IGFBP7: variants seen among roughly 807,000 people sequenced by gnomAD.
IGFBP7 encodes insulin-like growth factor-binding protein 7.
IGFBP7 carries 31 observed loss-of-function variants against 29.4 expected under a neutral mutation model. That is an observed-to-expected ratio of 1.05 (90% confidence interval 0.79 to 1.42). The LOEUF is 1.42. IGFBP7 is among the 40% of genes most tolerant of loss of function. The pLI is 0.00. For synonymous variants in IGFBP7, 172 were observed against 174.9 expected (o/e 0.98, Z 0.13); for missense variants, 393 against 395.5 (o/e 0.99, Z 0.05).
At chr4:57,036,537 A>T (rs1040729808) in intron 2 of IGFBP7, among the ~76,000 whole-genome samples, 3 of 152,232 alleles carry the variant, frequency 2.0e-5, no homozygotes, top group African/African-American at 7.2e-5. Flanking sequence ...TCTTTGATTT[A>T]AAAGGGTTAA....
chr4:57,036,311 G>T (rs1365432889), intron 2 of IGFBP7, among the ~76,000 whole-genome samples: 1 of 152,118 alleles, frequency 6.6e-6, no homozygotes, highest in Non-Finnish European at 1.5e-5. Context: ...AGGAGGAGGT[G>T]GGGGGAGATT....
chr4:57,033,444 T>A lies in IGFBP7; in HGVS notation c.586-133A>T, dbSNP rs1723998551. On this transcript the variant is annotated intron_variant, in intron 2 of 4. Transcript: ENST00000295666. ...GAGTAAACCCAGCATTTCACTGAAC[T>A]ATTTCCCTTTCCTAAATACTTTTAA... 5 of 730,592 alleles carry A rather than the reference T, an allele frequency of 6.8e-6. No individual in the cohort carries two copies. In the East Asian group the frequency reaches 1.2e-4, roughly 18 times the overall value. 45.3% of individuals were successfully genotyped at this position (730,592 alleles called of 1,614,324 possible).
chr4:57,070,035 C>T (rs1046594257), intron 1 of IGFBP7, among the ~76,000 whole-genome samples: 1 of 151,522 alleles, frequency 6.6e-6, no homozygotes, highest in Non-Finnish European at 1.5e-5. Flanking sequence ...GAGCCGGAAT[C>T]GTGCCATTGC....
intron 1 of IGFBP7, among the ~76,000 whole-genome samples, chr4:57,067,950 T>G (rs1297318850): frequency 6.6e-6 from 1 of 152,202 alleles, no homozygotes; most frequent in Admixed American, 6.5e-5. Context: ...TCATAAAATA[T>G]CTAAACCAAA....
At chr4:57,043,675 T>G (rs1662192327) in intron 1 of IGFBP7, among the ~76,000 whole-genome samples, 1 of 152,214 alleles carries the variant, frequency 6.6e-6, no homozygotes, top group Non-Finnish European at 1.5e-5. Context: ...TCATGCTTCC[T>G]TCCCTCCAAA....
chr4:57,073,693 G>C (rs922502256), intron 1 of IGFBP7, among the ~76,000 whole-genome samples: 1 of 152,066 alleles, frequency 6.6e-6, no homozygotes, highest in Non-Finnish European at 1.5e-5. Context: ...GACTAGGAGG[G>C]GCCTCTTCAA....
At chr4:57,033,534 G>C (rs780688381) in intron 2 of IGFBP7, among the ~76,000 whole-genome samples, 23 of 152,044 alleles carry the variant, frequency 1.5e-4, no homozygotes, top group Non-Finnish European at 5.9e-5. Flanking sequence ...TTAAACTAAT[G>C]TATTTTTCTG....
chr4:57,072,357 A>G (rs992271240), intron 1 of IGFBP7, among the ~76,000 whole-genome samples: 2 of 152,056 alleles, frequency 1.3e-5, no homozygotes, highest in Non-Finnish European at 2.9e-5. Context: ...CAGATACCCT[A>G]TCTCTACAAA....
At chr4:57,039,539 G>A (rs1724168254) in intron 2 of IGFBP7, among the ~76,000 whole-genome samples, 1 of 152,020 alleles carries the variant, frequency 6.6e-6, no homozygotes, top group Admixed American at 6.6e-5. Context: ...AGCACAGGCA[G>A]CCCGCACAAC....
intron 1 of IGFBP7, among the ~76,000 whole-genome samples, chr4:57,045,670 G>T (rs1724341704): frequency 6.6e-6 from 1 of 151,718 alleles, no homozygotes; most frequent in African/African-American, 2.4e-5. Flanking sequence ...AGCTCTGATT[G>T]GTTCTTTACC....
chr4:57,071,527 C>T lies in IGFBP7; in HGVS notation c.476-30594G>A, dbSNP rs111538253. On this transcript the variant is annotated intron_variant, in intron 1 of 4. Coordinates refer to ENST00000295666, the MANE Select transcript of IGFBP7 (RefSeq NM_001553.3). The stretch of plus-strand genomic sequence containing the variant: ...ATCTCTAACACTGGCCATGTTGCAA[C>T]ACACACAAGGAAATTGGGTCTCTCT... 8.0e-3 allele frequency among the ~76,000 whole-genome samples: 1,217 copies of T among 152,312 alleles called. 5 individuals are homozygous for T. Among genetic ancestry groups the T allele is most frequent in the Non-Finnish European group, 0.014 (936 of 68,034 alleles).
At chr4:57,069,527 G>A (rs768082226) in intron 1 of IGFBP7, among the ~76,000 whole-genome samples, 2 of 152,140 alleles carry the variant, frequency 1.3e-5, no homozygotes, top group East Asian at 3.9e-4. Context: ...GTCCTTCTGT[G>A]GTGGCACCTG....
intron 1 of IGFBP7, among the ~76,000 whole-genome samples, chr4:57,103,797 T>C (rs1313395622): frequency 6.6e-6 from 1 of 151,548 alleles, no homozygotes; most frequent in African/African-American, 2.4e-5. Context: ...TAGCTGGGAC[T>C]ACAGGTGTGT....
chr4:57,089,682 T>C (rs1725588510), intron 1 of IGFBP7, among the ~76,000 whole-genome samples: 1 of 152,180 alleles, frequency 6.6e-6, no homozygotes, highest in South Asian at 2.1e-4. Flanking sequence ...TGGCAGACAA[T>C]GTAGCCGGCT....
At chr4:57,085,043 AT>A (rs1725465434) in intron 1 of IGFBP7, among the ~76,000 whole-genome samples, 1 of 151,960 alleles carries the variant, frequency 6.6e-6, no homozygotes, top group Admixed American at 6.6e-5. Context: ...CCCACCTTGG[AT>A]TCCCAAAGTG....
intron 1 of IGFBP7, among the ~76,000 whole-genome samples, chr4:57,044,692 ACT>A (rs35627932): frequency 0.091 from 13,908 of 152,106 alleles, 708 homozygotes; most frequent in African/African-American, 0.11. Flanking sequence ...CTATTTCTGG[ACT>A]CTCTGTTCTT....
At chr4:57,073,063 A>C (rs1347363738) in intron 1 of IGFBP7, 4 of 1,444,564 alleles carry the variant, frequency 2.8e-6, no homozygotes, top group Non-Finnish European at 3.9e-6. Context: ...AGCTCTGGAA[A>C]CCCCCCACAG....
At chr4:57,094,054 C>G (rs1725699314) in intron 1 of IGFBP7, among the ~76,000 whole-genome samples, 1 of 152,194 alleles carries the variant, frequency 6.6e-6, no homozygotes, top group Middle Eastern at 3.4e-3. Flanking sequence ...TTGGCTTACA[C>G]AGGGACTCTC....
intron 1 of IGFBP7, among the ~76,000 whole-genome samples, chr4:57,094,347 G>A (rs1293380434): frequency 1.3e-5 from 2 of 152,216 alleles, no homozygotes; most frequent in African/African-American, 4.8e-5. Flanking sequence ...CTGGGAGAGA[G>A]ATGACAGGCG....
Sources: gnomAD v4.1 joint callset for allele counts (sites outside exome capture counted in the v4.1 genomes callset) on GRCh38, gnomAD v4.1.1 for gene constraint, MANE v1.5 for transcripts, NCBI Gene and HGNC (gene_info 2026-07-23, HGNC 2026-07-21) for gene names.